The following HEPHL1 variants were observed in gnomAD, a reference collection of about 807,000 sequenced individuals.
HEPHL1 encodes hephaestin like 1.
Under a neutral mutation model 122.0 loss-of-function variants are expected in HEPHL1, and 123 were observed. The observed-to-expected ratio is 1.01, with a 90% CI of 0.87 to 1.17. The LOEUF is 1.17. HEPHL1 is among the 50% of genes most tolerant of loss of function. HEPHL1 has a pLI of 0.00. For missense variants in HEPHL1, 1,452 were observed against 1,430.5 expected, an observed-to-expected ratio of 1.01 and a Z score of -0.24; for synonymous variants, 527 against 508.9, an observed-to-expected ratio of 1.04 and a Z score of -0.48.
intron 2 of HEPHL1, among the ~76,000 whole-genome samples, chr11:94,053,877 T>C (rs887531194): frequency 6.6e-6 from 1 of 152,246 alleles, no homozygotes; most frequent in Non-Finnish European, 1.5e-5. Context: ...TAGTATGTGC[T>C]CCATTCTGGA....
rs1357000122 is a variant in HEPHL1 at position 94,052,911 on chromosome 11, C to G, written c.415+6994C>G. On this transcript the variant is annotated intron_variant, in intron 2 of 19. Coordinates refer to ENST00000315765, the MANE Select transcript of HEPHL1 (RefSeq NM_001098672.2). ...TTGTTAAGAATTTTTGTGTCTAAGT[C>G]ATGAAGGATATTGGTCTGTAGTTTT... Among the ~76,000 whole-genome samples, 3 of 152,168 alleles carry G rather than the reference C, an allele frequency of 2.0e-5. No homozygotes were observed. The South Asian group carries it at 6.2e-4, about 32-fold the overall frequency.
intron 17 of HEPHL1, among the ~76,000 whole-genome samples, chr11:94,108,184 T>C (rs1946423349): frequency 6.6e-6 from 1 of 152,138 alleles, no homozygotes; most frequent in African/African-American, 2.4e-5. Context: ...CATGTGTTTG[T>C]TTACCATCTG....
intron 2 of HEPHL1, among the ~76,000 whole-genome samples, chr11:94,061,328 T>C (rs1294692726): frequency 6.6e-6 from 1 of 152,018 alleles, no homozygotes; most frequent in Non-Finnish European, 1.5e-5. Flanking sequence ...GGTGGCACTG[T>C]GGGGATGAGT....
At chr11:94,041,270 A>C (rs1945775525) in intron 1 of HEPHL1, among the ~76,000 whole-genome samples, 1 of 149,742 alleles carries the variant, frequency 6.7e-6, no homozygotes, top group Non-Finnish European at 1.5e-5. Context: ...GGTAGGAAGA[A>C]TCAATATCGT....
At chr11:94,047,283 T>G (rs187016665) in intron 2 of HEPHL1, among the ~76,000 whole-genome samples, 122 of 152,282 alleles carry the variant, frequency 8.0e-4, no homozygotes, top group Middle Eastern at 3.4e-3. Flanking sequence ...TGGGGATTTG[T>G]TGTAAAGATT....
intron 1 of HEPHL1, among the ~76,000 whole-genome samples, chr11:94,032,928 T>C (rs1022416427): frequency 1.3e-5 from 2 of 152,048 alleles, no homozygotes; most frequent in African/African-American, 4.8e-5. Flanking sequence ...CACGTGAGCA[T>C]GCGTACAGCT....
chr11:94,063,749 G>A (rs1946008884), intron 3 of HEPHL1, 29 bp downstream of exon 3: 1 of 1,582,018 alleles, frequency 6.3e-7, no homozygotes, highest in African/African-American at 1.3e-5. Context: ...AGGTAACTAG[G>A]GAGTTGAAAT....
intron 5 of HEPHL1, 46 bp from the exon 6 acceptor site, chr11:94,070,328 T>C: frequency 6.5e-7 from 1 of 1,531,980 alleles, no homozygotes; most frequent in Non-Finnish European, 8.8e-7. Context: ...ATGATTCCTT[T>C]TGTGATCATT....
intron 13 of HEPHL1, among the ~76,000 whole-genome samples, chr11:94,100,400 G>C (rs1232892925): frequency 6.6e-6 from 1 of 152,150 alleles, no homozygotes; most frequent in Non-Finnish European, 1.5e-5. Context: ...TACTGACCAT[G>C]AAGCAGTGCA....
intron 4 of HEPHL1, among the ~76,000 whole-genome samples, chr11:94,065,042 C>T (rs764348779): frequency 6.6e-6 from 1 of 152,170 alleles, no homozygotes; most frequent in African/African-American, 2.4e-5. Flanking sequence ...ATGCACTATA[C>T]ATCAGACTCC....
Position 94,051,950 on chromosome 11 carries a change from G to T in HEPHL1, c.415+6033G>T, listed in dbSNP as rs551734250. On this transcript the variant is annotated intron_variant, in intron 2 of 19. Transcript: ENST00000315765. ...CTTTGTCAAAAGTTAGTTCACTGTAGATGTATGGATTTATTTCCAGGTTCT... is the reference window on the plus strand; with the variant it reads ...CTTTGTCAAAAGTTAGTTCACTGTATATGTATGGATTTATTTCCAGGTTCT... Among the ~76,000 whole-genome samples the T allele has an allele frequency of 6.9e-4, 105 of 152,164 alleles. 1 individual carries two copies. Among genetic ancestry groups the T allele is most frequent in the African/African-American group, 2.5e-3 (103 of 41,504 alleles).
At chr11:94,059,398 T>C (rs1836596506) in intron 2 of HEPHL1, among the ~76,000 whole-genome samples, 1 of 152,168 alleles carries the variant, frequency 6.6e-6, no homozygotes, top group Non-Finnish European at 1.5e-5. Flanking sequence ...ATATACTTTC[T>C]TTGAATAGGA....
rs1312353287 is a variant in HEPHL1, at chr11:94,073,461, G to A, written c.1504+22G>A. The A allele has an allele frequency of 1.9e-6, 3 of 1,551,276 alleles. No homozygotes were observed. The Admixed American group carries it at 5.9e-5, about 30-fold the overall frequency. The stretch of plus-strand genomic sequence containing the variant: ...GATGGTAAGTCTCACTCTGGGCTTA[G>A]GGAGGAAACAGGACGGGTGAGCAAA... On this transcript the variant is annotated intron_variant, in intron 8 of 19. Coordinates refer to ENST00000315765, the MANE Select transcript of HEPHL1 (RefSeq NM_001098672.2).
Position 94,113,376 on chromosome 11 carries a change from CTCATCT to C in HEPHL1, c.*1493_*1498del, listed in dbSNP as rs1339483001. 6.6e-6 allele frequency: 1 copy of C among 152,146 alleles called. No individual in the cohort carries two copies. Among genetic ancestry groups the C allele is most frequent in the Non-Finnish European group, 1.5e-5 (1 of 68,036 alleles). 9.4% of individuals were successfully genotyped at this position (152,146 alleles called of 1,614,324 possible). A position where few individuals can be genotyped will look rare whatever the true frequency, so the allele number is the denominator to read the frequency against. ...CTGGTGGAGGGACCTTTCACACTGT[CTCATCT>C]TCATCTTCATGAGGGGAAATGGGTA... is the stretch of plus-strand genomic sequence containing the variant. On this transcript the variant is annotated 3_prime_UTR_variant, in exon 20 of 20. Coordinates refer to ENST00000315765, the MANE Select transcript of HEPHL1 (RefSeq NM_001098672.2).
At chr11:94,057,927 TA>T (rs147254288) in intron 2 of HEPHL1, among the ~76,000 whole-genome samples, 12,825 of 152,062 alleles carry the variant, frequency 0.084, 667 homozygotes, top group East Asian at 0.18. Flanking sequence ...AACTCTAGGT[TA>T]TTTTTTTTGC....
intron 13 of HEPHL1, among the ~76,000 whole-genome samples, chr11:94,098,360 T>C (rs1163480465): frequency 6.6e-6 from 1 of 152,256 alleles, no homozygotes; most frequent in African/African-American, 2.4e-5. Context: ...TTCTGGCTTG[T>C]AGAGTTTCTG....
chr11:94,057,891 C>T (rs1485753601), intron 2 of HEPHL1, among the ~76,000 whole-genome samples: 1 of 151,988 alleles, frequency 6.6e-6, no homozygotes, highest in Non-Finnish European at 1.5e-5. Flanking sequence ...TATAATGTAG[C>T]ATATCTGGAT....
At chr11:94,085,019 G>T (rs1398157053) in intron 10 of HEPHL1, among the ~76,000 whole-genome samples, 1 of 152,194 alleles carries the variant, frequency 6.6e-6, no homozygotes, top group Admixed American at 6.5e-5. Context: ...GATTATAACA[G>T]AAGGTCACTC....
At chr11:94,089,165 C>T (rs1167172454) in intron 12 of HEPHL1, among the ~76,000 whole-genome samples, 197 bp downstream of exon 12, 2 of 152,226 alleles carry the variant, frequency 1.3e-5, no homozygotes, top group Non-Finnish European at 2.9e-5. Flanking sequence ...CTCGCAGGCC[C>T]TCGGCGGGCT....
Sources: allele counts gnomAD v4.1 joint callset (sites outside exome capture counted in the v4.1 genomes callset), GRCh38; gene constraint gnomAD v4.1.1; transcripts MANE v1.5; gene names NCBI Gene and HGNC (gene_info 2026-07-23, HGNC 2026-07-21).